Variants in PLEKHH2 observed in about 807,000 individuals in gnomAD.
The protein encoded by PLEKHH2 is pleckstrin homology domain-containing family H member 2.
In PLEKHH2, 129 loss-of-function variants were observed where a neutral mutation model predicts 187.9. The observed-to-expected ratio is 0.69, with a 90% confidence interval of 0.59 to 0.79. The LOEUF (loss-of-function observed/expected upper bound fraction) is 0.79, where lower values mean the gene tolerates loss of function less well. PLEKHH2 is among the 30% of genes least tolerant of loss of function. The pLI, the probability that PLEKHH2 is intolerant of heterozygous loss-of-function variation, is 0.00. For synonymous variants in PLEKHH2, 686 were observed against 605.6 expected, an observed-to-expected ratio of 1.13 and a Z score of -1.95; for missense variants, 2,076 against 1,751.2, an observed-to-expected ratio of 1.19 and a Z score of -3.31.
chr2:43,653,517 T>C (rs751844017), intron 2 of PLEKHH2, among the ~76,000 whole-genome samples: 8 of 152,216 alleles, frequency 5.3e-5, no homozygotes, highest in Non-Finnish European at 1.0e-4. Context: ...CTCTGAGGAC[T>C]CTCCAGAAGG....
chr2:43,709,943 C>T (rs746779167), intron 11 of PLEKHH2, 47 bp from the exon 12 acceptor site: 2 of 1,538,560 alleles, frequency 1.3e-6, no homozygotes, highest in South Asian at 2.5e-5. Context: ...GTGTTTGGCC[C>T]TCCCCAGTAT....
intron 3 of PLEKHH2, among the ~76,000 whole-genome samples, chr2:43,688,954 C>T (rs1668659442): frequency 6.6e-6 from 1 of 152,056 alleles, no homozygotes; most frequent in Non-Finnish European, 1.5e-5. Flanking sequence ...TAGTCAGTCT[C>T]CAGCCCACCC....
rs771981885 is a variant in PLEKHH2 at position 43,751,256 on chromosome 2, G to A, written c.3654-2363G>A. ...GACATAGAGGAAGACTTTGCAGAGT[G>A]GTGACTTCTGAGCAGATGACTGGAA... is the stretch of plus-strand genomic sequence containing the variant. On this transcript the variant is annotated intron_variant, in intron 24 of 29. Transcript: ENST00000282406. Among the ~76,000 whole-genome samples the A allele has an allele frequency of 6.6e-5, 10 of 152,198 alleles. 1 individual carries two copies. The highest frequency in any genetic ancestry group is 1.2e-4 in the Non-Finnish European group (8 of 68,038).
At chr2:43,716,393 A>G (rs1670210952) in intron 15 of PLEKHH2, among the ~76,000 whole-genome samples, 1 of 152,230 alleles carries the variant, frequency 6.6e-6, no homozygotes, top group Non-Finnish European at 1.5e-5. Context: ...CTTAATGAAC[A>G]TTATTCCGTA....
In PLEKHH2 at chr2:43,699,752, C is replaced by T. The variant is rs1198883791; in HGVS notation, c.794C>T (p.Thr265Ile). Residue 265 changes from threonine (T) to isoleucine (I), a missense_variant, in exon 8 of 30, where the codon ACA (threonine) becomes ATA (isoleucine). Physicochemically the swap from Thr to Ile is moderately conservative, Grantham distance 89. Coordinates refer to ENST00000282406, the MANE Select transcript of PLEKHH2 (RefSeq NM_172069.4). ...TGTGGCTCAGAACAGAATCGGAAAACAAGAACAAGCTTTGCCACAGATGGT... is the reference window on the plus strand; with the variant it reads ...TGTGGCTCAGAACAGAATCGGAAAATAAGAACAAGCTTTGCCACAGATGGT... ...TPCGSEQNRK[T>I]RTSFATDGGI... is the part of the protein sequence containing the mutation. 1 of 1,614,116 alleles carries T rather than the reference C, an allele frequency of 6.2e-7. No individual in the cohort carries two copies. The highest frequency in any genetic ancestry group is 1.7e-5 in the Admixed American group (1 of 60,010).
At chr2:43,744,399 C>T (rs1352441930) in intron 23 of PLEKHH2, among the ~76,000 whole-genome samples, 3 of 152,174 alleles carry the variant, frequency 2.0e-5, no homozygotes, top group Non-Finnish European at 4.4e-5. Flanking sequence ...TCCCTGCCCA[C>T]AGTGAACTTA....
chr2:43,694,357 G>C (rs1180110311), intron 4 of PLEKHH2, 74 bp from the exon 5 acceptor site: 2 of 1,450,860 alleles, frequency 1.4e-6, no homozygotes, highest in Non-Finnish European at 1.8e-6. Context: ...GATATGCCTT[G>C]TATATTTATG....
chr2:43,739,639 G>C (rs1181247299), intron 20 of PLEKHH2, among the ~76,000 whole-genome samples: 1 of 152,196 alleles, frequency 6.6e-6, no homozygotes, highest in Admixed American at 6.6e-5. Flanking sequence ...GTGCCCAAGA[G>C]GGAATCTGAA....
At chr2:43,665,816 A>T (rs1231491890) in intron 2 of PLEKHH2, among the ~76,000 whole-genome samples, 1 of 134,830 alleles carries the variant, frequency 7.4e-6, no homozygotes, top group Non-Finnish European at 1.6e-5. Context: ...CCACTTGAGG[A>T]GGCAGTCTGC....
At chr2:43,747,212 A>G (rs1443376441) in intron 24 of PLEKHH2, among the ~76,000 whole-genome samples, 1 of 151,778 alleles carries the variant, frequency 6.6e-6, no homozygotes, top group Admixed American at 6.6e-5. Flanking sequence ...ATACAGACAG[A>G]CCCAGTTCCT....
At chr2:43,654,933 G>A (rs80205564) in intron 2 of PLEKHH2, among the ~76,000 whole-genome samples, 26,255 of 151,692 alleles carry the variant, frequency 0.17, 2,367 homozygotes, top group Middle Eastern at 0.29. Context: ...AGGCTGAGGC[G>A]GGGGTATTGC....
rs1448618761 is a variant in PLEKHH2 at position 43,749,533 on chromosome 2, A to T, written c.3653+3570A>T. Among the ~76,000 whole-genome samples, 6 of 152,298 alleles carry T rather than the reference A, an allele frequency of 3.9e-5. No homozygotes were observed. In the South Asian group the frequency reaches 1.0e-3, roughly 26 times the overall value. On this transcript the variant is annotated intron_variant, in intron 24 of 29. Coordinates refer to ENST00000282406, the MANE Select transcript of PLEKHH2 (RefSeq NM_172069.4). ...TAAATCTCTTCAAAAATTTTTTTTT[A>T]AAAGAGAGAATTGTGAATAACAGAT...
chr2:43,646,054 T>C (rs184394441), intron 2 of PLEKHH2, among the ~76,000 whole-genome samples: 1 of 152,286 alleles, frequency 6.6e-6, no homozygotes, highest in Non-Finnish European at 1.5e-5. Flanking sequence ...CTTTAACATC[T>C]TTTAGGTAGA....
At chr2:43,730,421 C>T (rs960549868) in intron 18 of PLEKHH2, among the ~76,000 whole-genome samples, 8 of 152,138 alleles carry the variant, frequency 5.3e-5, no homozygotes, top group African/African-American at 1.4e-4. Context: ...GTTTTTGAGA[C>T]GGAGTCTCAC....
Position 43,700,530 on chromosome 2 carries a change from C to A in PLEKHH2, c.1572C>A (p.Asp524Glu), listed in dbSNP as rs116570173. 6.2e-7 allele frequency: 1 copy of A among 1,613,720 alleles called. No individual in the cohort carries two copies. The highest frequency in any genetic ancestry group is 1.3e-5 in the African/African-American group (1 of 74,892). Residue 524 changes from aspartate (D) to glutamate (E), a missense_variant, in exon 8 of 30, where the codon GAC becomes GAA. By Grantham distance (45) the Asp-to-Glu change is conservative (BLOSUM62 2). Transcript: ENST00000282406. ...CCTTGGACTCTCCAAATTCAGATGA[C>A]CAGGAACACTGTGACTCAGCAAAGA... The part of the protein sequence containing the change: ...YDSLDSPNSD[D>E]QEHCDSAKKV...
intron 2 of PLEKHH2, among the ~76,000 whole-genome samples, chr2:43,678,254 C>T (rs1667963260): frequency 6.6e-6 from 1 of 151,880 alleles, no homozygotes; most frequent in Admixed American, 6.6e-5. Context: ...GGGCTCCTCA[C>T]ATCCCAGACC....
intron 1 of PLEKHH2, among the ~76,000 whole-genome samples, 160 bp from the exon 2 acceptor site, chr2:43,644,511 G>C (rs1335603862): frequency 6.6e-6 from 1 of 152,090 alleles, no homozygotes; most frequent in African/African-American, 2.4e-5. Context: ...ACCAGTTCTG[G>C]AATTTGTCTT....
At chr2:43,756,692 A>G (rs1201399643) in intron 25 of PLEKHH2, among the ~76,000 whole-genome samples, 1 of 152,236 alleles carries the variant, frequency 6.6e-6, no homozygotes, top group African/African-American at 2.4e-5. Flanking sequence ...TCACGCTTGC[A>G]ATCCCAACAC....
At chr2:43,751,471 C>T (rs1672006947) in intron 24 of PLEKHH2, among the ~76,000 whole-genome samples, 1 of 152,190 alleles carries the variant, frequency 6.6e-6, no homozygotes, top group Non-Finnish European at 1.5e-5. Flanking sequence ...AATATGGATC[C>T]AGTTGAGGGC....
Sources: gnomAD v4.1 joint callset for allele counts (sites outside exome capture counted in the v4.1 genomes callset) on GRCh38, gnomAD v4.1.1 for gene constraint, MANE v1.5 for transcripts, NCBI Gene and HGNC (gene_info 2026-07-23, HGNC 2026-07-21) for gene names.